Variants in GRIA1 observed in about 807,000 individuals in gnomAD.
GRIA1 encodes the protein glutamate ionotropic receptor AMPA type subunit 1, also known as glutamate receptor 1.
A neutral mutation model predicts 99.2 loss-of-function variants in GRIA1; 31 were observed. The ratio of observed to expected loss-of-function variants is 0.31; its 90% CI spans 0.23 to 0.42. The LOEUF is 0.42. Ranked by LOEUF, GRIA1 falls within the 10% of genes least tolerant of loss-of-function variation. GRIA1 has a pLI of 1.00. For missense variants in GRIA1, 782 were observed against 1,157.5 expected (o/e 0.68, Z 4.71); for synonymous variants, 438 against 432.4 (o/e 1.01, Z -0.16).
At chr5:153,527,797 T>C (rs1316602271) in intron 2 of GRIA1, among the ~76,000 whole-genome samples, 3 of 152,266 alleles carry the variant, frequency 2.0e-5, no homozygotes, top group Non-Finnish European at 4.4e-5. Context: ...GATGTCTTTT[T>C]GTATATCTTC....
chr5:153,580,544 T>G (rs1762956340), intron 2 of GRIA1, among the ~76,000 whole-genome samples: 2 of 152,198 alleles, frequency 1.3e-5, no homozygotes, highest in African/African-American at 4.8e-5. Flanking sequence ...GAGCTAAGCT[T>G]CTCTCTTGGT....
chr5:153,551,668 G>A (rs2220780), intron 2 of GRIA1, among the ~76,000 whole-genome samples: 70,960 of 151,956 alleles, frequency 0.47, 18,305 homozygotes, highest in Non-Finnish European at 0.59. Context: ...ATTATTCATA[G>A]CCCTTTTGCT....
chr5:153,650,522 AAG>A lies in GRIA1; in HGVS notation c.645+9_645+10del, dbSNP rs1426603195. On this transcript the variant is annotated intron_variant, in intron 4 of 15. Transcript: ENST00000285900. ...AATGCTATCTTGGGCCAGGTAGTGA[AAG>A]CAGCAAGGGCTCAGGGTGGGTGCGG... The A allele has an allele frequency of 6.2e-7, 1 of 1,612,910 alleles. No individual in the cohort carries two copies. The highest frequency in any genetic ancestry group is 8.5e-7 in the Non-Finnish European group (1 of 1,179,372).
intron 15 of GRIA1, among the ~76,000 whole-genome samples, chr5:153,803,600 G>T (rs1312851118): frequency 6.6e-6 from 1 of 152,204 alleles, no homozygotes; most frequent in South Asian, 2.1e-4. Context: ...CAGAAGGACA[G>T]GTGGGATCTA....
chr5:153,653,781 T>C (rs1754743149), intron 4 of GRIA1, among the ~76,000 whole-genome samples: 1 of 152,232 alleles, frequency 6.6e-6, no homozygotes, highest in Non-Finnish European at 1.5e-5. Flanking sequence ...GCACATAGCA[T>C]AGTGCTTGGC....
chr5:153,605,439 T>C (rs983331668), intron 2 of GRIA1, among the ~76,000 whole-genome samples: 1 of 152,246 alleles, frequency 6.6e-6, no homozygotes, highest in African/African-American at 2.4e-5. Flanking sequence ...GTTTACACTT[T>C]TGAATAATGA....
At chr5:153,674,719 A>C in intron 6 of GRIA1, 58 bp downstream of exon 6, 2 of 1,538,082 alleles carry the variant, frequency 1.3e-6, no homozygotes, top group African/African-American at 2.7e-5. Flanking sequence ...CCTGCCCCAG[A>C]TTTCTGAGCT....
chr5:153,542,988 C>G (rs1212535222), intron 2 of GRIA1, among the ~76,000 whole-genome samples: 1 of 152,222 alleles, frequency 6.6e-6, no homozygotes, highest in Non-Finnish European at 1.5e-5. Flanking sequence ...TAAAAATACA[C>G]TTCTTAGAGC....
At chr5:153,697,479 C>A (rs575740177) in intron 8 of GRIA1, among the ~76,000 whole-genome samples, 24 of 152,252 alleles carry the variant, frequency 1.6e-4, no homozygotes, top group Middle Eastern at 3.4e-3. Flanking sequence ...AATTTTTAGA[C>A]ACTCCTATAT....
chr5:153,792,768 GAGA>G (rs1293957441), intron 13 of GRIA1, among the ~76,000 whole-genome samples: 1 of 152,036 alleles, frequency 6.6e-6, no homozygotes, highest in Non-Finnish European at 1.5e-5. Flanking sequence ...AGAGAGTGGA[GAGA>G]AGAAGAAACA....
At chr5:153,724,916 G>A (rs573504854) in intron 11 of GRIA1, among the ~76,000 whole-genome samples, 45 of 152,150 alleles carry the variant, frequency 3.0e-4, no homozygotes, top group South Asian at 8.3e-4. Flanking sequence ...GATACTCCTC[G>A]AGAAGAGCAA....
chr5:153,788,319 C>G (rs182448206), intron 13 of GRIA1, among the ~76,000 whole-genome samples: 1 of 152,294 alleles, frequency 6.6e-6, no homozygotes, highest in East Asian at 1.9e-4. Flanking sequence ...CTTACCTGGG[C>G]TCCTCCACTA....
At chr5:153,701,915 C>T (rs149414145) in intron 10 of GRIA1, among the ~76,000 whole-genome samples, 2,235 of 152,274 alleles carry the variant, frequency 0.015, 14 homozygotes, top group Middle Eastern at 0.051. Context: ...CACATTTCAT[C>T]GTGTAGCGTG....
At chr5:153,619,402 T>C (rs1289540621) in intron 2 of GRIA1, among the ~76,000 whole-genome samples, 1 of 152,188 alleles carries the variant, frequency 6.6e-6, no homozygotes, top group Non-Finnish European at 1.5e-5. Context: ...TTAGAAAGAC[T>C]AGGTTAGGGC....
chr5:153,750,539 G>A (rs185647743), intron 11 of GRIA1, among the ~76,000 whole-genome samples: 107 of 152,164 alleles, frequency 7.0e-4, no homozygotes, highest in African/African-American at 2.4e-3. Context: ...GAGGCTGCTG[G>A]GATCAAGAGT....
chr5:153,772,476 G>T (rs1043784974), intron 13 of GRIA1, among the ~76,000 whole-genome samples: 2 of 152,054 alleles, frequency 1.3e-5, no homozygotes, highest in African/African-American at 4.8e-5. Flanking sequence ...GGAGGATGAG[G>T]TGGGGAAGAA....
At chr5:153,777,945 G>C (rs534261253) in intron 13 of GRIA1, among the ~76,000 whole-genome samples, 1 of 152,356 alleles carries the variant, frequency 6.6e-6, no homozygotes, top group Non-Finnish European at 1.5e-5. Flanking sequence ...AGCCAGGGAT[G>C]CTTGTTGTCA....
chr5:153,608,806 C>T (rs1323970437), intron 2 of GRIA1, among the ~76,000 whole-genome samples: 1 of 151,834 alleles, frequency 6.6e-6, no homozygotes, highest in Non-Finnish European at 1.5e-5. Flanking sequence ...TTTTTTTTTA[C>T]TGCGTTCTGG....
At chr5:153,523,312 T>C (rs530347334) in intron 2 of GRIA1, among the ~76,000 whole-genome samples, 9 of 152,282 alleles carry the variant, frequency 5.9e-5, no homozygotes, top group African/African-American at 1.7e-4. Context: ...TTCATTCTTA[T>C]TGTATAATCT....
Sources: gnomAD v4.1 joint callset for allele counts (sites outside exome capture counted in the v4.1 genomes callset) on GRCh38, gnomAD v4.1.1 for gene constraint, MANE v1.5 for transcripts, NCBI Gene and HGNC (gene_info 2026-07-23, HGNC 2026-07-21) for gene names.